GANAB: variants seen among roughly 807,000 people sequenced by gnomAD.
GANAB encodes glucosidase II alpha subunit.
In GANAB, 35 loss-of-function variants were observed where a neutral mutation model predicts 129.9. The ratio of observed to expected loss-of-function variants is 0.27; its 90% confidence interval spans 0.21 to 0.36. GANAB has a LOEUF of 0.36. GANAB is among the 10% of genes least tolerant of loss of function. The pLI is 1.00. For missense variants in GANAB, 939 were observed against 1,221.0 expected (o/e 0.77, Z 3.44); for synonymous variants, 482 against 451.8 (o/e 1.07, Z -0.85).
At position 62,631,022 on chromosome 11, in the gene GANAB, C is replaced by G; in HGVS notation, c.1150+8G>C. ...GAGCAGAAGAATGAGGCAGGGAAAACCATGTACCTGTGAGACTAGCATATT... is the reference window on the plus strand; with the variant it reads ...GAGCAGAAGAATGAGGCAGGGAAAAGCATGTACCTGTGAGACTAGCATATT... On this transcript the variant is annotated splice_region_variant and intron_variant, in intron 10 of 23. Transcript: ENST00000356638. 1 of 1,594,194 alleles carries G rather than the reference C, an allele frequency of 6.3e-7. No individual in the cohort carries two copies.
At position 62,631,015 on chromosome 11, in the gene GANAB, G is replaced by A. The variant is rs1246978278; in HGVS notation, c.1150+15C>T. ...AAGAAAAGAGCAGAAGAATGAGGCA[G>A]GGAAAACCATGTACCTGTGAGACTA... On this transcript the variant is annotated intron_variant, in intron 10 of 23. Coordinates refer to ENST00000356638, the MANE Select transcript of GANAB (RefSeq NM_198334.3). 1.3e-6 allele frequency: 2 copies of A among 1,590,522 alleles called. No homozygotes were observed. Among genetic ancestry groups the A allele is most frequent in the East Asian group, 4.5e-5 (2 of 44,182 alleles).
chr11:62,633,118 C>T lies in GANAB; in HGVS notation c.719-17G>A, dbSNP rs1207225186. 3.1e-6 allele frequency: 5 copies of T among 1,606,882 alleles called. No individual in the cohort carries two copies. In the Admixed American group the frequency reaches 6.7e-5, roughly 21 times the overall value. On this transcript the variant is annotated splice_polypyrimidine_tract_variant and intron_variant, in intron 7 of 23. Transcript: ENST00000356638. ...ACATGGGGCCTGGAAGAAAAACAAA[C>T]AAGCTTCAGAGCTTCTGCTTGGAAA...
At position 62,625,875 on chromosome 11, in the gene GANAB, C is replaced by T; in HGVS notation, c.2775G>A (p.Val925=). 1.2e-6 allele frequency: 2 copies of T among 1,613,970 alleles called. No individual in the cohort carries two copies. The highest frequency in any genetic ancestry group is 2.2e-5 in the South Asian group (2 of 91,072). The change falls in exon 24 of 24, where the codon GTG becomes GTA. Residue 925 remains valine (V), a synonymous_variant. Coordinates refer to ENST00000356638, the MANE Select transcript of GANAB (RefSeq NM_198334.3). The part of the protein sequence containing the change: ...LSFQHDPETS[V]LVLRKPGINV... ...TGATGCCAGGCTTGCGCAGGACCAA[C>T]ACAGAGGTCTCAGGGTCATGCTGGA...
In GANAB at chr11:62,625,414, T is replaced by C. The variant is rs968865554; in HGVS notation, c.*401A>G. 9.9e-6 allele frequency: 4 copies of C among 405,164 alleles called. No individual in the cohort carries two copies. Among genetic ancestry groups the C allele is most frequent in the African/African-American group, 4.1e-5 (2 of 48,306 alleles). 25.1% of individuals were successfully genotyped at this position (405,164 alleles called of 1,614,324 possible). Reference sequence around the variant, plus strand: ...GAAGGGGAAAAGGAGCCCTAACTCATTGCCCTCATCTTCTTCCAAGAAGTG... The same window carrying C: ...GAAGGGGAAAAGGAGCCCTAACTCACTGCCCTCATCTTCTTCCAAGAAGTG... On this transcript the variant is annotated 3_prime_UTR_variant, in exon 24 of 24. Transcript: ENST00000356638.
intron 22 of GANAB, 51 bp downstream of exon 22, chr11:62,626,284 A>G (rs779832857): frequency 1.4e-6 from 2 of 1,382,174 alleles, no homozygotes; most frequent in Non-Finnish European, 2.1e-6. Flanking sequence ...GAGCCCCCAC[A>G]AGGATCAGGC....
chr11:62,641,098 C>T (rs1273288957), intron 1 of GANAB, among the ~76,000 whole-genome samples: 2 of 152,060 alleles, frequency 1.3e-5, no homozygotes, highest in African/African-American at 4.8e-5. Context: ...AATCCCACCA[C>T]TTTGGGAGGC....
At position 62,626,057 on chromosome 11, in the gene GANAB, T is replaced by C. The variant is rs1334202342; in HGVS notation, c.2725+8A>G. ...TCCCCCATCCTAGGGGCCAGATTGG[T>C]CACTCACCTTTTGTCTGGAGTACCA... On this transcript the variant is annotated splice_region_variant and intron_variant, in intron 23 of 23. Coordinates refer to ENST00000356638, the MANE Select transcript of GANAB (RefSeq NM_198334.3). 1.9e-6 allele frequency: 3 copies of C among 1,600,600 alleles called. No individual in the cohort carries two copies. The highest frequency in any genetic ancestry group is 1.7e-6 in the Non-Finnish European group (2 of 1,167,596).
chr11:62,629,141 C>G, intron 16 of GANAB, 53 bp downstream of exon 16: 2 of 1,541,940 alleles, frequency 1.3e-6, no homozygotes, highest in Non-Finnish European at 1.8e-6. Flanking sequence ...CCTGTGCCCT[C>G]TACTTTGCCC....
intron 1 of GANAB, among the ~76,000 whole-genome samples, chr11:62,643,779 G>A (rs1237099918): frequency 6.6e-6 from 1 of 152,160 alleles, no homozygotes; most frequent in Non-Finnish European, 1.5e-5. Context: ...TCGCACCACT[G>A]CACTCTAGCC....
intron 1 of GANAB, among the ~76,000 whole-genome samples, chr11:62,645,409 G>A (rs1399534734): frequency 1.3e-5 from 2 of 152,062 alleles, no homozygotes; most frequent in African/African-American, 4.8e-5. Context: ...GGTGGCGGGT[G>A]CCTGTAGTCC....
rs200312082 is a variant in GANAB, at chr11:62,626,088, G to A, written c.2702C>T (p.Ala901Val). 1.9e-5 allele frequency: 30 copies of A among 1,612,932 alleles called. No individual in the cohort carries two copies. The Admixed American group carries it at 4.5e-4, about 24-fold the overall frequency. ...ACCTTTTGTCTGGAGTACCACAGCT[G>A]CTGGCTTTCCAGCCCCTATTATCAC... ...RVVIIGAGKP[A>V]AVVLQTKGSP... The change falls in exon 23 of 24, where the codon GCA becomes GTA. Residue 901 changes from alanine (A) to valine (V), a missense_variant. Coordinates refer to ENST00000356638, the MANE Select transcript of GANAB (RefSeq NM_198334.3).
chr11:62,625,273 T>C lies in GANAB; in HGVS notation c.*542A>G. The C allele has an allele frequency of 2.2e-6, 1 of 456,142 alleles. No individual in the cohort carries two copies. The allele number at this position is 456,142 out of a possible 1,614,324, so 28.3% of individuals were successfully genotyped here. On this transcript the variant is annotated 3_prime_UTR_variant, in exon 24 of 24. Transcript: ENST00000356638. ...GATGTTCTTTAGCAACCTCACTCCT[T>C]TGATCCATTCATCCTGTCCGGGGTA...
intron 22 of GANAB, 69 bp downstream of exon 22, chr11:62,626,266 T>C (rs901380152): frequency 1.5e-6 from 2 of 1,332,298 alleles, no homozygotes; most frequent in African/African-American, 2.9e-5. Context: ...AAGAGCACAG[T>C]GAACTGGGAG....
chr11:62,626,657 T>C lies in GANAB; in HGVS notation c.2425A>G (p.Ile809Val), dbSNP rs11559071. The change falls in exon 21 of 24, where the codon ATC becomes GTC. Residue 809 changes from isoleucine to valine, a missense_variant. Transcript: ENST00000356638. ...SIPVFQRGGTIVPRWMRVRRS... is the reference protein window; with the variant it reads ...SIPVFQRGGTVVPRWMRVRRS... ...CGCACTCGCATCCATCGAGGCACGATTGTCCCTCCACGCTGGAACACAGGG... is the reference window on the plus strand; with the variant it reads ...CGCACTCGCATCCATCGAGGCACGACTGTCCCTCCACGCTGGAACACAGGG... 2 of 1,609,338 alleles carry C rather than the reference T, an allele frequency of 1.2e-6. No individual in the cohort carries two copies. The highest frequency in any genetic ancestry group is 1.7e-6 in the Non-Finnish European group (2 of 1,177,304).
intron 5 of GANAB, 53 bp from the exon 6 acceptor site, chr11:62,633,567 G>T: frequency 6.7e-7 from 1 of 1,486,410 alleles, no homozygotes. Context: ...GGGACGAGGG[G>T]CTAGTGGAAG....
chr11:62,632,075 G>A (rs984382020), intron 9 of GANAB, among the ~76,000 whole-genome samples: 31 of 151,846 alleles, frequency 2.0e-4, no homozygotes, highest in African/African-American at 7.5e-4. Flanking sequence ...CCAGATTCAT[G>A]CAATTAACCT....
In GANAB at chr11:62,630,473, C is replaced by T. The variant is rs144094763; in HGVS notation, c.1419G>A (p.Val473=). 6.2e-7 allele frequency: 1 copy of T among 1,614,048 alleles called. No homozygotes were observed. Among genetic ancestry groups the T allele is most frequent in the African/African-American group, 1.3e-5 (1 of 74,926 alleles). The change falls in exon 12 of 24, where the codon GTG becomes GTA. Residue 473 remains valine (V), a synonymous_variant. Coordinates refer to ENST00000356638, the MANE Select transcript of GANAB (RefSeq NM_198334.3). ...CCTCGTGAACTCGGTAGCCGGAGTC[C>T]ACCTTGATGTGGGGGTCTACGATGG... ...LVAIVDPHIK[V]DSGYRVHEEL... is the part of the protein sequence containing the mutation.
chr11:62,634,043 A>G, intron 5 of GANAB: 1 of 445,324 alleles, frequency 2.2e-6, no homozygotes, highest in South Asian at 3.5e-5. Context: ...GAGAGTCAGG[A>G]ACCCCAGCAA....
intron 4 of GANAB, among the ~76,000 whole-genome samples, chr11:62,636,373 G>A (rs1277154060): frequency 6.6e-6 from 1 of 152,126 alleles, no homozygotes; most frequent in Non-Finnish European, 1.5e-5. Flanking sequence ...GGCCGAGGCA[G>A]GTGGATCGCT....
Sources: allele counts gnomAD v4.1 joint callset (sites outside exome capture counted in the v4.1 genomes callset), GRCh38; gene constraint gnomAD v4.1.1; transcripts MANE v1.5; gene names NCBI Gene and HGNC (gene_info 2026-07-23, HGNC 2026-07-21).